The following THSD7B variants were observed in gnomAD, a reference collection of about 807,000 sequenced individuals.
The protein encoded by THSD7B is thrombospondin type 1 domain containing 7B, also known as thrombospondin type-1 domain-containing protein 7B.
A neutral mutation model predicts 213.6 loss-of-function variants in THSD7B; 138 were observed. That is an observed-to-expected ratio of 0.65 (90% confidence interval 0.56 to 0.74). The LOEUF is 0.74. Ranked by LOEUF, THSD7B falls within the 30% of genes least tolerant of loss-of-function variation. The pLI is 0.00. For synonymous variants in THSD7B, 742 were observed against 687.0 expected, an observed-to-expected ratio of 1.08 and a Z score of -1.25; for missense variants, 1,931 against 1,991.5, an observed-to-expected ratio of 0.97 and a Z score of 0.58.
intron 12 of THSD7B, among the ~76,000 whole-genome samples, chr2:137,310,460 T>C (rs1390811056): frequency 1.5e-4 from 22 of 149,968 alleles, no homozygotes; most frequent in Non-Finnish European, 3.0e-4. Flanking sequence ...AGGTTGCCTG[T>C]TCACTCTGAT....
At chr2:137,387,981 G>C (rs185028428) in intron 12 of THSD7B, among the ~76,000 whole-genome samples, 1 of 151,858 alleles carries the variant, frequency 6.6e-6, no homozygotes. Flanking sequence ...GTGTATATAC[G>C]CACACACACA....
At chr2:136,805,634 C>T (rs374556347) in intron 1 of THSD7B, among the ~76,000 whole-genome samples, 1 of 152,130 alleles carries the variant, frequency 6.6e-6, no homozygotes. Context: ...GAAGCAGAAC[C>T]GTATTGGCTG....
At chr2:137,121,290 G>A (rs1445938506) in intron 5 of THSD7B, among the ~76,000 whole-genome samples, 1 of 152,200 alleles carries the variant, frequency 6.6e-6, no homozygotes, top group Non-Finnish European at 1.5e-5. Flanking sequence ...AGAGAGTCAG[G>A]ATATTTGAGG....
intron 1 of THSD7B, among the ~76,000 whole-genome samples, chr2:136,768,165 G>C (rs893404081): frequency 6.6e-6 from 1 of 152,192 alleles, no homozygotes; most frequent in Non-Finnish European, 1.5e-5. Flanking sequence ...CATCAGAAGG[G>C]CTATGAAGGA....
chr2:136,982,661 A>G (rs1251300798), intron 2 of THSD7B, among the ~76,000 whole-genome samples: 1 of 152,104 alleles, frequency 6.6e-6, no homozygotes, highest in Non-Finnish European at 1.5e-5. Context: ...ACACACACAA[A>G]AAATCCTTTT....
At chr2:136,928,899 C>T (rs1684586460) in intron 2 of THSD7B, among the ~76,000 whole-genome samples, 1 of 151,782 alleles carries the variant, frequency 6.6e-6, no homozygotes, top group South Asian at 2.1e-4. Flanking sequence ...TTATTTTAAT[C>T]ATAAAAATCA....
At chr2:137,412,709 G>A (rs1252001525) in intron 14 of THSD7B, among the ~76,000 whole-genome samples, 1 of 151,072 alleles carries the variant, frequency 6.6e-6, no homozygotes, top group East Asian at 1.9e-4. Flanking sequence ...ATCTCAGAGA[G>A]TTTTGTCAGA....
chr2:137,217,824 T>A (rs1304151360), intron 7 of THSD7B, among the ~76,000 whole-genome samples: 1 of 152,118 alleles, frequency 6.6e-6, no homozygotes, highest in Non-Finnish European at 1.5e-5. Flanking sequence ...ATAAGATACA[T>A]CATTTTCTTT....
chr2:136,952,109 T>A (rs1370253299), intron 2 of THSD7B, among the ~76,000 whole-genome samples: 1 of 152,110 alleles, frequency 6.6e-6, no homozygotes, highest in African/African-American at 2.4e-5. Flanking sequence ...CCTCATGATC[T>A]GTCCACCTCA....
intron 2 of THSD7B, among the ~76,000 whole-genome samples, chr2:136,906,098 C>T (rs1684155419): frequency 6.6e-6 from 1 of 152,180 alleles, no homozygotes. Flanking sequence ...ACTGTGATCC[C>T]TTTTCTCATT....
chr2:137,322,263 A>G (rs1558757486), intron 12 of THSD7B, among the ~76,000 whole-genome samples: 1 of 152,192 alleles, frequency 6.6e-6, no homozygotes, highest in Non-Finnish European at 1.5e-5. Flanking sequence ...GTTCCTGTGA[A>G]AACTTTAGTT....
intron 7 of THSD7B, among the ~76,000 whole-genome samples, chr2:137,172,466 G>C (rs1680271978): frequency 6.6e-6 from 1 of 152,160 alleles, no homozygotes; most frequent in East Asian, 1.9e-4. Context: ...GAGCTTCTGG[G>C]CTGCTGGAAA....
At chr2:137,132,219 T>C (rs1046901454) in intron 5 of THSD7B, among the ~76,000 whole-genome samples, 1 of 151,500 alleles carries the variant, frequency 6.6e-6, no homozygotes, top group Non-Finnish European at 1.5e-5. Context: ...GTGATTTTTG[T>C]ACATTGATTT....
At chr2:137,235,481 C>G (rs538307807) in intron 9 of THSD7B, among the ~76,000 whole-genome samples, 1 of 152,038 alleles carries the variant, frequency 6.6e-6, no homozygotes, top group Non-Finnish European at 1.5e-5. Flanking sequence ...GATACCAATT[C>G]CATAAATTAT....
chr2:137,100,232 C>T lies in THSD7B; in HGVS notation c.1199+5111C>T, dbSNP rs1393866488. The stretch of plus-strand genomic sequence containing the variant: ...TGGCGTGGTTGTTCACCTCCTTTGC[C>T]TTTTGAAACAGAGTGCTGTGTTGTG... On this transcript the variant is annotated intron_variant, in intron 4 of 27. Transcript: ENST00000409968. 2.0e-5 allele frequency among the ~76,000 whole-genome samples: 3 copies of T among 152,078 alleles called. No individual in the cohort carries two copies. The East Asian group carries it at 5.8e-4, about 29-fold the overall frequency.
At position 137,115,212 on chromosome 2, in the gene THSD7B, G is replaced by A. The variant is rs375232957; in HGVS notation, c.1288G>A (p.Val430Met). The A allele has an allele frequency of 1.7e-5, 27 of 1,613,746 alleles. No individual in the cohort carries two copies. Among genetic ancestry groups the A allele is most frequent in the African/African-American group, 6.7e-5 (5 of 75,018 alleles). ...TCCCCACTGGCATGTGACGGGACCC[G>A]TGTGTGGCGGTGGGATCCAGACCCG... is the stretch of plus-strand genomic sequence containing the variant. ...QDPHWHVTGP[V>M]CGGGIQTREV... The change falls in exon 5 of 28, where the codon GTG becomes ATG. Residue 430 changes from valine (V) to methionine (M), a missense_variant. Physicochemically the swap from Val to Met is conservative, Grantham distance 21. Transcript: ENST00000409968.
At chr2:137,646,035 T>C (rs910716591) in intron 21 of THSD7B, among the ~76,000 whole-genome samples, 5 of 152,208 alleles carry the variant, frequency 3.3e-5, no homozygotes, top group Admixed American at 6.5e-5. Context: ...TTATGGTGCT[T>C]TTTTGGGACA....
At chr2:137,145,257 T>C (rs931164494) in intron 5 of THSD7B, among the ~76,000 whole-genome samples, 1 of 152,052 alleles carries the variant, frequency 6.6e-6, no homozygotes, top group African/African-American at 2.4e-5. Context: ...ACAATGAATA[T>C]TAAGAAGAGA....
At chr2:137,123,636 G>T (rs1484529785) in intron 5 of THSD7B, among the ~76,000 whole-genome samples, 1 of 152,120 alleles carries the variant, frequency 6.6e-6, no homozygotes, top group Non-Finnish European at 1.5e-5. Flanking sequence ...AACGTTCAAT[G>T]AATGCATGTT....
Sources: allele counts gnomAD v4.1 joint callset (sites outside exome capture counted in the v4.1 genomes callset), GRCh38; gene constraint gnomAD v4.1.1; transcripts MANE v1.5; gene names NCBI Gene and HGNC (gene_info 2026-07-23, HGNC 2026-07-21).